The following DMD variants were observed in gnomAD, a reference collection of about 807,000 sequenced individuals.
DMD encodes the protein mutant dystrophin.
DMD carries 63 observed loss-of-function variants against 330.1 expected under a neutral mutation model. That is an observed-to-expected ratio of 0.19 (90% CI 0.16 to 0.24). The LOEUF (loss-of-function observed/expected upper bound fraction) is 0.24, where lower values mean the gene tolerates loss of function less well. DMD is among the 10% of genes least tolerant of loss of function. The pLI is 1.00. For synonymous variants in DMD, 1,223 were observed against 959.8 expected (o/e 1.27, Z -5.07); for missense variants, 3,344 against 2,684.1 (o/e 1.25, Z -5.43).
At chrX:31,697,308 A>C (rs2083505896) in intron 52 of DMD, among the ~76,000 whole-genome samples, 1 of 112,237 alleles carries the variant, frequency 8.9e-6, no homozygotes, top group Non-Finnish European at 1.9e-5. Context: ...AAGTATATGC[A>C]CATAAACCCA....
chrX:32,130,688 G>A (rs941789618), intron 44 of DMD, among the ~76,000 whole-genome samples: 4 of 111,173 alleles, frequency 3.6e-5, no homozygotes, highest in African/African-American at 6.5e-5. Flanking sequence ...GCAATTGCAC[G>A]CTTTTTGTTT....
intron 1 of DMD, among the ~76,000 whole-genome samples, chrX:33,068,225 G>A (rs2094694021): frequency 8.9e-6 from 1 of 111,850 alleles, no homozygotes; most frequent in Non-Finnish European, 1.9e-5. Flanking sequence ...TTTTTAATAA[G>A]CATTCTAGGG....
At chrX:31,531,009 C>A (rs1318863919) in intron 55 of DMD, among the ~76,000 whole-genome samples, 1 of 95,377 alleles carries the variant, frequency 1.0e-5, no homozygotes, top group East Asian at 3.4e-4. Context: ...ATGAACTCAT[C>A]ATTTTTTATG....
At chrX:33,104,167 A>G (rs867953454) in intron 1 of DMD, among the ~76,000 whole-genome samples, 3 of 112,228 alleles carry the variant, frequency 2.7e-5, no homozygotes, top group Admixed American at 1.9e-4. Context: ...GTTTTGTCAT[A>G]TTTTACAAAT....
chrX:31,650,013 T>A (rs1485361059), intron 54 of DMD, among the ~76,000 whole-genome samples: 1 of 110,137 alleles, frequency 9.1e-6, no homozygotes, highest in Non-Finnish European at 1.9e-5. Flanking sequence ...TGGAGTACAC[T>A]GGCATGATCA....
intron 7 of DMD, among the ~76,000 whole-genome samples, chrX:32,741,275 C>T (rs764983982): frequency 9.0e-6 from 1 of 111,451 alleles, no homozygotes; most frequent in Non-Finnish European, 1.9e-5. Flanking sequence ...ACAGCGCTGA[C>T]ATTTCTAGGT....
intron 52 of DMD, among the ~76,000 whole-genome samples, chrX:31,686,784 T>C (rs1031929247): frequency 8.9e-6 from 1 of 111,752 alleles, no homozygotes; most frequent in African/African-American, 3.3e-5. Context: ...CCTCTATATA[T>C]TGAAGCCAGT....
chrX:32,811,991 G>A (rs1054089564), intron 6 of DMD, among the ~76,000 whole-genome samples: 1 of 111,847 alleles, frequency 8.9e-6, no homozygotes, highest in African/African-American at 3.2e-5. Context: ...GTATCAAGTG[G>A]TGGGAGATAG....
chrX:31,891,857 C>T (rs1034635177), intron 47 of DMD, among the ~76,000 whole-genome samples: 1 of 111,816 alleles, frequency 8.9e-6, no homozygotes, highest in Non-Finnish European at 1.9e-5. Context: ...GCCGCTTTAA[C>T]GGGTGAGTTG....
intron 2 of DMD, among the ~76,000 whole-genome samples, chrX:33,004,227 GA>G (rs1420310912): frequency 1.8e-5 from 2 of 112,064 alleles, no homozygotes; most frequent in Non-Finnish European, 3.8e-5. Context: ...CAAGCATAAA[GA>G]AAACAGGAGA....
At chrX:31,209,872 A>G (rs2044475880) in intron 64 of DMD, among the ~76,000 whole-genome samples, 173 bp from the exon 65 acceptor site, 1 of 111,558 alleles carries the variant, frequency 9.0e-6, no homozygotes, top group Non-Finnish European at 1.9e-5. Context: ...CTCTAAGTTG[A>G]TGAGTTTGAT....
intron 74 of DMD, among the ~76,000 whole-genome samples, chrX:31,153,453 T>C (rs1263952897): frequency 1.8e-5 from 2 of 108,200 alleles, no homozygotes; most frequent in Non-Finnish European, 3.8e-5. Flanking sequence ...AGCCCACTAA[T>C]TTAGCCCCAC....
intron 44 of DMD, among the ~76,000 whole-genome samples, chrX:32,187,717 C>T (rs2096953875): frequency 9.0e-6 from 1 of 111,042 alleles, no homozygotes; most frequent in African/African-American, 3.3e-5. Context: ...TTACAGAAGA[C>T]AACGTACAAC....
chrX:32,076,383 C>CT (rs770728145), intron 44 of DMD, among the ~76,000 whole-genome samples: 17,009 of 90,801 alleles, frequency 0.19, 2,049 homozygotes, highest in African/African-American at 0.4. Flanking sequence ...TTCTTTCTTT[C>CT]TTTTTTTTTT....
At chrX:33,210,777 C>A in intron 1 of DMD, among the ~76,000 whole-genome samples, 1 of 111,681 alleles carries the variant, frequency 9.0e-6, no homozygotes, top group East Asian at 2.8e-4. Context: ...CGTCCCAACT[C>A]ATTTTATTCT....
At chrX:32,473,480 T>A (rs1245639244) in intron 21 of DMD, among the ~76,000 whole-genome samples, 1 of 111,696 alleles carries the variant, frequency 9.0e-6, no homozygotes, top group Non-Finnish European at 1.9e-5. Flanking sequence ...CCACATCAAA[T>A]AACATTATCT....
intron 29 of DMD, chrX:32,412,198 C>A (rs773047287): frequency 9.4e-7 from 1 of 1,068,800 alleles, no homozygotes; most frequent in East Asian, 4.7e-5. Flanking sequence ...TTAGCAAAAT[C>A]ATCTCAGTCA....
chrX:32,652,704 G>T (rs1048802679), intron 9 of DMD, among the ~76,000 whole-genome samples: 1 of 111,220 alleles, frequency 9.0e-6, no homozygotes, highest in Non-Finnish European at 1.9e-5. Context: ...GGGTCAAATG[G>T]TATTTCTAGT....
intron 61 of DMD, among the ~76,000 whole-genome samples, chrX:31,328,411 A>G: frequency 9.0e-6 from 1 of 111,528 alleles, no homozygotes; most frequent in Non-Finnish European, 1.9e-5. Flanking sequence ...AGCAAGTTAG[A>G]TATACTGCTT....
Sources: gnomAD v4.1 joint callset for allele counts (sites outside exome capture counted in the v4.1 genomes callset) on GRCh38, gnomAD v4.1.1 for gene constraint, MANE v1.5 for transcripts, NCBI Gene and HGNC (gene_info 2026-07-23, HGNC 2026-07-21) for gene names.